GXYLT1: variants seen among roughly 807,000 people sequenced by gnomAD.
GXYLT1 encodes the protein glycosyltransferase 8 domain containing 3.
Under a neutral mutation model 54.0 loss-of-function variants are expected in GXYLT1, and 29 were observed. That is an observed-to-expected ratio of 0.54 (90% confidence interval 0.40 to 0.73). GXYLT1 has a LOEUF of 0.73. Ranked by LOEUF, GXYLT1 falls within the 30% of genes least tolerant of loss-of-function variation. The pLI, the probability that GXYLT1 is intolerant of heterozygous loss-of-function variation, is 0.00. For synonymous variants in GXYLT1, 176 were observed against 204.1 expected (o/e 0.86, Z 1.17); for missense variants, 490 against 553.4 (o/e 0.89, Z 1.15).
intron 7 of GXYLT1, 35 bp from the exon 8 acceptor site, chr12:42,087,982 A>G: frequency 8.4e-7 from 1 of 1,195,692 alleles, no homozygotes; most frequent in Non-Finnish European, 1.2e-6. Flanking sequence ...TAAAAAATTT[A>G]AAAGGCAAAG....
chr12:42,084,227 A>G lies in GXYLT1; in HGVS notation c.*3559T>C, dbSNP rs1177150068. The stretch of plus-strand genomic sequence containing the variant: ...CTACTTCTCAATTTTCCATACACTC[A>G]TTCCATCTTTTCTCTTACTCTGCCC... On this transcript the variant is annotated 3_prime_UTR_variant, in exon 8 of 8. Transcript: ENST00000398675. 6.6e-6 allele frequency: 1 copy of G among 152,338 alleles called. No individual in the cohort carries two copies. Among genetic ancestry groups the G allele is most frequent in the Admixed American group, 6.5e-5 (1 of 15,268 alleles). 9.4% of individuals were successfully genotyped at this position (152,338 alleles called of 1,614,324 possible).
chr12:42,128,903 C>T (rs1378905102), intron 2 of GXYLT1, among the ~76,000 whole-genome samples: 4 of 151,936 alleles, frequency 2.6e-5, no homozygotes, highest in South Asian at 2.1e-4. Context: ...CTTGAACTCC[C>T]GGGCTCAAGC....
Position 42,115,059 on chromosome 12 carries a change from G to C in GXYLT1, c.486+3941C>G, listed in dbSNP as rs557174216. ...TGATTATCTCAATAGATGCAGAAAAGGCTTTTGACAAAATTCAACAACGCT... is the reference window on the plus strand; with the variant it reads ...TGATTATCTCAATAGATGCAGAAAACGCTTTTGACAAAATTCAACAACGCT... On this transcript the variant is annotated intron_variant, in intron 3 of 7. Coordinates refer to ENST00000398675, the MANE Select transcript of GXYLT1 (RefSeq NM_173601.2). Among the ~76,000 whole-genome samples, 50 of 152,284 alleles carry C rather than the reference G, an allele frequency of 3.3e-4. No individual in the cohort carries two copies. The South Asian group carries it at 9.7e-3, about 30-fold the overall frequency.
Position 42,109,552 on chromosome 12 carries a change from G to T in GXYLT1, c.612+14C>A. 1 of 1,467,888 alleles carries T rather than the reference G, an allele frequency of 6.8e-7. No homozygotes were observed. The highest frequency in any genetic ancestry group is 2.6e-5 in the East Asian group (1 of 39,030). 90.9% of individuals were successfully genotyped at this position (1,467,888 alleles called of 1,614,324 possible). A position where few individuals can be genotyped will look rare whatever the true frequency, so the allele number is the denominator to read the frequency against. ...AAAAAAAAAAAAAAAAAGACACTAGGGGAAAAAACTTACCGGCAAGAACAA... is the reference window on the plus strand; with the variant it reads ...AAAAAAAAAAAAAAAAAGACACTAGTGGAAAAAACTTACCGGCAAGAACAA... On this transcript the variant is annotated intron_variant, in intron 4 of 7. Coordinates refer to ENST00000398675, the MANE Select transcript of GXYLT1 (RefSeq NM_173601.2).
chr12:42,137,190 T>C (rs1049977090), intron 1 of GXYLT1, among the ~76,000 whole-genome samples: 2 of 152,062 alleles, frequency 1.3e-5, no homozygotes, highest in Admixed American at 1.3e-4. Flanking sequence ...CTGACCAACA[T>C]GGTGAAACCT....
chr12:42,097,734 T>C, intron 6 of GXYLT1, 120 bp from the exon 7 acceptor site: 1 of 1,093,202 alleles, frequency 9.1e-7, no homozygotes, highest in Non-Finnish European at 1.3e-6. Context: ...GAAAAATGTC[T>C]GGCATTTAGA....
chr12:42,091,046 G>C (rs1180401441), intron 7 of GXYLT1, among the ~76,000 whole-genome samples: 1 of 152,120 alleles, frequency 6.6e-6, no homozygotes, highest in Non-Finnish European at 1.5e-5. Context: ...TGCATTCCAT[G>C]GCTATGACTA....
intron 1 of GXYLT1, among the ~76,000 whole-genome samples, chr12:42,139,103 G>A (rs1310796834): frequency 2.0e-5 from 3 of 151,912 alleles, no homozygotes; most frequent in Non-Finnish European, 4.4e-5. Context: ...AGCTAAGGTG[G>A]GAGGATCACT....
chr12:42,141,104 A>G (rs917206301), intron 1 of GXYLT1, among the ~76,000 whole-genome samples: 2 of 152,212 alleles, frequency 1.3e-5, no homozygotes, highest in African/African-American at 4.8e-5. Context: ...TGTCTGCCAC[A>G]GGAATGTGCA....
intron 3 of GXYLT1, among the ~76,000 whole-genome samples, chr12:42,111,788 G>A (rs1387920043): frequency 1.3e-5 from 2 of 152,218 alleles, no homozygotes; most frequent in Non-Finnish European, 1.5e-5. Flanking sequence ...GAAGAGAGTA[G>A]TGGTTCTCCC....
chr12:42,129,826 A>G lies in GXYLT1; in HGVS notation c.247T>C (p.Trp83Arg), dbSNP rs767643931. Residue 83 changes from tryptophan (W) to arginine (R), a missense_variant, in exon 2 of 8, where the codon TGG (tryptophan) becomes CGG (arginine). By Grantham distance (101) the Trp-to-Arg change is moderately radical. Transcript: ENST00000398675. Reference sequence around the variant, plus strand: ...GAGGGCAGCATCCAATAGGGATTCCAGTAACACAGAGAGAAATCTTTACAC... The same window carrying G: ...GAGGGCAGCATCCAATAGGGATTCCGGTAACACAGAGAGAAATCTTTACAC... ...DRCKDFSLCY[W>R]NPYWMLPSDV... 3.1e-6 allele frequency: 5 copies of G among 1,613,034 alleles called. No individual in the cohort carries two copies. Among genetic ancestry groups the G allele is most frequent in the South Asian group, 2.2e-5 (2 of 91,060 alleles).
intron 1 of GXYLT1, among the ~76,000 whole-genome samples, chr12:42,138,384 T>C (rs980873222): frequency 1.3e-5 from 2 of 152,240 alleles, no homozygotes; most frequent in Non-Finnish European, 2.9e-5. Flanking sequence ...TCTAATTTCA[T>C]TAATCCTTGG....
chr12:42,136,499 G>C (rs1321426966), intron 1 of GXYLT1, among the ~76,000 whole-genome samples: 5 of 152,038 alleles, frequency 3.3e-5, no homozygotes, highest in Non-Finnish European at 7.4e-5. Context: ...TTTCACTGTG[G>C]ATCAAACTGA....
At chr12:42,107,238 T>C (rs1395897034) in intron 4 of GXYLT1, among the ~76,000 whole-genome samples, 1 of 152,230 alleles carries the variant, frequency 6.6e-6, no homozygotes, top group Non-Finnish European at 1.5e-5. Context: ...TTCCTGCAAC[T>C]AAAGCCATCA....
intron 5 of GXYLT1, among the ~76,000 whole-genome samples, chr12:42,103,532 C>A (rs1022452790): frequency 6.6e-6 from 1 of 151,726 alleles, no homozygotes; most frequent in Non-Finnish European, 1.5e-5. Flanking sequence ...GTAGGAAAAA[C>A]CAAGACAATG....
At chr12:42,109,509 G>C (rs1268495139) in intron 4 of GXYLT1, 57 bp downstream of exon 4, 2 of 1,180,342 alleles carry the variant, frequency 1.7e-6, no homozygotes, top group East Asian at 6.6e-5. Flanking sequence ...ATGTGTAAAA[G>C]TAAGGTTCAA....
At chr12:42,104,011 G>A (rs2065404687) in intron 5 of GXYLT1, among the ~76,000 whole-genome samples, 1 of 152,172 alleles carries the variant, frequency 6.6e-6, no homozygotes, top group African/African-American at 2.4e-5. Flanking sequence ...CACTTTGGGG[G>A]TTTGAGGTGG....
chr12:42,138,937 C>T (rs1397127529), intron 1 of GXYLT1, among the ~76,000 whole-genome samples: 1 of 152,070 alleles, frequency 6.6e-6, no homozygotes, highest in Non-Finnish European at 1.5e-5. Flanking sequence ...ACTTGTGAGG[C>T]TGAGGCAGGA....
intron 5 of GXYLT1, among the ~76,000 whole-genome samples, chr12:42,099,115 T>C (rs907710148): frequency 6.6e-6 from 1 of 152,156 alleles, no homozygotes; most frequent in African/African-American, 2.4e-5. Context: ...AGTCTCCTGA[T>C]GCCTCTCATG....
Sources: allele counts gnomAD v4.1 joint callset (sites outside exome capture counted in the v4.1 genomes callset), GRCh38; gene constraint gnomAD v4.1.1; transcripts MANE v1.5; gene names NCBI Gene and HGNC (gene_info 2026-07-23, HGNC 2026-07-21).